ARHGAP35: variants seen among roughly 807,000 people sequenced by gnomAD.
The protein encoded by ARHGAP35 is Rho GTPase activating protein 35, also known as rho GTPase-activating protein 35.
In ARHGAP35, 15 loss-of-function variants were observed where a neutral mutation model predicts 111.1. The observed-to-expected ratio is 0.13, with a 90% confidence interval of 0.09 to 0.21. ARHGAP35 has a LOEUF of 0.21. Ranked by LOEUF, ARHGAP35 falls within the 10% of genes least tolerant of loss-of-function variation. The probability of loss-of-function intolerance (pLI) is 1.00; values close to 1 mark genes in which losing one functional copy is unlikely to be tolerated. For missense variants in ARHGAP35, 1,262 were observed against 1,873.0 expected (o/e 0.67, Z 6.02); for synonymous variants, 643 against 710.3 (o/e 0.91, Z 1.51).
At chr19:46,906,575 C>A (rs567007175) in intron 1 of ARHGAP35, among the ~76,000 whole-genome samples, 10 of 152,288 alleles carry the variant, frequency 6.6e-5, no homozygotes, top group African/African-American at 2.2e-4. Context: ...AAAGTGAATA[C>A]CAATATAACC....
intron 3 of ARHGAP35, among the ~76,000 whole-genome samples, chr19:46,981,185 A>G (rs2056618549): frequency 6.6e-6 from 1 of 152,054 alleles, no homozygotes; most frequent in Non-Finnish European, 1.5e-5. Context: ...AGTGCTCAGC[A>G]CCCCTCCGGC....
chr19:46,940,531 A>T (rs2056340576), intron 3 of ARHGAP35, among the ~76,000 whole-genome samples: 1 of 151,724 alleles, frequency 6.6e-6, no homozygotes, highest in African/African-American at 2.4e-5. Context: ...CATCTCAAAA[A>T]CCAAAAAACC....
chr19:46,958,379 C>A (rs1411885705), intron 3 of ARHGAP35, among the ~76,000 whole-genome samples: 13 of 147,372 alleles, frequency 8.8e-5, no homozygotes, highest in African/African-American at 3.0e-4. Context: ...AGCAAGACTC[C>A]GTCTCAAAAA....
At chr19:46,897,635 G>GA (rs2056064340) in intron 1 of ARHGAP35, among the ~76,000 whole-genome samples, 1 of 147,460 alleles carries the variant, frequency 6.8e-6, no homozygotes, top group African/African-American at 2.5e-5. Flanking sequence ...ATCTTTCCAA[G>GA]AAAGGTAAAC....
intron 3 of ARHGAP35, among the ~76,000 whole-genome samples, chr19:46,963,399 CA>C (rs903060872): frequency 6.6e-6 from 1 of 152,206 alleles, no homozygotes; most frequent in African/African-American, 2.4e-5. Flanking sequence ...TGTGGGACCT[CA>C]GTTCAAGCCC....
rs2122177698 is a variant in ARHGAP35 at position 46,908,133 on chromosome 19, G to T, written c.-188-10355G>T. ...CAGCCTCCACTCTTCTTGCGTCAGG[G>T]ACATTTATATAGAGAATGTTCTTTC... On this transcript the variant is annotated intron_variant, in intron 1 of 6. Transcript: ENST00000672722. This position sits in a 1 kb window ranked among gnomAD's most constrained non-coding sequence, Gnocchi z 4.2. Among the ~76,000 whole-genome samples, 1 of 152,252 alleles carries T rather than the reference G, an allele frequency of 6.6e-6. No individual in the cohort carries two copies. Among genetic ancestry groups the T allele is most frequent in the East Asian group, 1.9e-4 (1 of 5,186 alleles).
At position 46,989,815 on chromosome 19, in the gene ARHGAP35, A is replaced by T; in HGVS notation, c.4036+140A>T. The T allele has an allele frequency of 7.2e-7, 1 of 1,389,168 alleles. No homozygotes were observed. The highest frequency in any genetic ancestry group is 9.8e-7 in the Non-Finnish European group (1 of 1,016,082). The allele number at this position is 1,389,168 out of a possible 1,614,324, so 86.1% of individuals were successfully genotyped here. On this transcript the variant is annotated intron_variant, in intron 5 of 6. Coordinates refer to ENST00000672722, the MANE Select transcript of ARHGAP35 (RefSeq NM_004491.5). The surrounding 1 kb of genome is among the most constrained non-coding windows in gnomAD (Gnocchi z 5.3). ...AGAGGGCAAGGGAATTAACCAGATG[A>T]CAGCAATGGGACTTGCAAATCGGGC...
At chr19:46,904,311 C>G (rs1280093039) in intron 1 of ARHGAP35, among the ~76,000 whole-genome samples, 1 of 152,198 alleles carries the variant, frequency 6.6e-6, no homozygotes, top group Non-Finnish European at 1.5e-5. Context: ...GACAGCAGAT[C>G]ATGTTCATCT....
At chr19:46,868,827 A>G (rs1438007953) in intron 1 of ARHGAP35, among the ~76,000 whole-genome samples, 1 of 151,778 alleles carries the variant, frequency 6.6e-6, no homozygotes, top group African/African-American at 2.4e-5. Flanking sequence ...AAAAATAAAA[A>G]TTAAAAGAAA....
chr19:46,897,681 G>C (rs191566987), intron 1 of ARHGAP35, among the ~76,000 whole-genome samples: 1 of 137,518 alleles, frequency 7.3e-6, no homozygotes, highest in Non-Finnish European at 1.6e-5. Context: ...GGATTTTCAG[G>C]CTAGATCTTT....
intron 3 of ARHGAP35, among the ~76,000 whole-genome samples, chr19:46,961,117 A>G (rs761533301): frequency 9.7e-4 from 147 of 151,748 alleles, no homozygotes; most frequent in Non-Finnish European, 1.8e-3. Flanking sequence ...CTGGTCTCGA[A>G]CTCCTGACCT....
Position 46,989,079 on chromosome 19 carries a change from A to T in ARHGAP35, c.3905-465A>T, listed in dbSNP as rs1386191639. The T allele has an allele frequency of 1.2e-5, 2 of 166,078 alleles. No homozygotes were observed. The allele number at this position is 166,078 out of a possible 1,614,324, so 10.3% of individuals were successfully genotyped here. On this transcript the variant is annotated intron_variant, in intron 4 of 6. Coordinates refer to ENST00000672722, the MANE Select transcript of ARHGAP35 (RefSeq NM_004491.5). The surrounding 1 kb of genome is among the most constrained non-coding windows in gnomAD (Gnocchi z 5.3). ...TGTGGCTGGGAAGGGCCAGAGAGAG[A>T]AAAAATGAGCCTATTTGCCCTCCCA...
chr19:46,975,431 G>A (rs916525818), intron 3 of ARHGAP35, among the ~76,000 whole-genome samples: 2 of 152,122 alleles, frequency 1.3e-5, no homozygotes, highest in Admixed American at 1.3e-4. Context: ...CCTGGGGCTG[G>A]GAGCTCAGGG....
chr19:46,878,798 T>G (rs1039254552), intron 1 of ARHGAP35, among the ~76,000 whole-genome samples: 1 of 152,160 alleles, frequency 6.6e-6, no homozygotes, highest in Non-Finnish European at 1.5e-5. Flanking sequence ...AAAATGCTGG[T>G]GATCATCTGA....
chr19:46,938,604 C>T (rs1028703861), intron 3 of ARHGAP35, among the ~76,000 whole-genome samples: 8 of 151,052 alleles, frequency 5.3e-5, no homozygotes, highest in Admixed American at 2.0e-4. Flanking sequence ...CTGCCCGCCT[C>T]GGCCTCCCAA....
intron 3 of ARHGAP35, among the ~76,000 whole-genome samples, chr19:46,973,648 A>G (rs1314450405): frequency 1.3e-5 from 2 of 151,222 alleles, no homozygotes; most frequent in African/African-American, 4.9e-5. Context: ...CAGAGATCGC[A>G]CCACTGCAAT....
intron 3 of ARHGAP35, among the ~76,000 whole-genome samples, chr19:46,955,147 C>CAA (rs2056432367): frequency 6.6e-6 from 1 of 152,132 alleles, no homozygotes; most frequent in Non-Finnish European, 1.5e-5. Flanking sequence ...AAGAAGAAGG[C>CAA]AAAAGACCCA....
chr19:46,934,548 G>A (rs2056293191), intron 2 of ARHGAP35, among the ~76,000 whole-genome samples: 1 of 151,810 alleles, frequency 6.6e-6, no homozygotes, highest in Non-Finnish European at 1.5e-5. Flanking sequence ...TTGTATTTTT[G>A]TAGAGACAGG....
chr19:46,986,028 C>T lies in ARHGAP35; in HGVS notation c.3827-1961C>T, dbSNP rs1599866580. ...TCCAGGGCCCGGTGCTCTCTACTGT[C>T]GGCACTGTTTCTGTTGTCCAGGGGC... On this transcript the variant is annotated intron_variant, in intron 3 of 6. Coordinates refer to ENST00000672722, the MANE Select transcript of ARHGAP35 (RefSeq NM_004491.5). This position sits in a 1 kb window ranked among gnomAD's most constrained non-coding sequence, Gnocchi z 4.3. 1.3e-5 allele frequency among the ~76,000 whole-genome samples: 2 copies of T among 152,176 alleles called. No homozygotes were observed. The highest frequency in any genetic ancestry group is 2.9e-5 in the Non-Finnish European group (2 of 68,034).
Sources: gnomAD v4.1 joint callset for allele counts (sites outside exome capture counted in the v4.1 genomes callset) on GRCh38, gnomAD v4.1.1 for gene constraint, Gnocchi (gnomAD v3.1) non-coding constraint, MANE v1.5 for transcripts, NCBI Gene and HGNC (gene_info 2026-07-23, HGNC 2026-07-21) for gene names.